GP6: variants seen among roughly 807,000 people sequenced by gnomAD.
GP6 encodes platelet glycoprotein VI.
GP6 carries 45 observed loss-of-function variants against 37.3 expected under a neutral mutation model. That is an observed-to-expected ratio of 1.21 (90% confidence interval 0.95 to 1.55). The LOEUF (loss-of-function observed/expected upper bound fraction) is 1.55. Among genes scored for constraint, GP6 ranks in the 40% most tolerant of loss-of-function variants. The pLI is 0.00. For missense variants in GP6, 813 were observed against 760.2 expected (o/e 1.07, Z -0.82); for synonymous variants, 340 against 316.4 (o/e 1.07, Z -0.79).
At chr19:55,015,274 G>A in intron 7 of GP6, 109 bp from the exon 8 acceptor site, 2 of 1,521,376 alleles carry the variant, frequency 1.3e-6, no homozygotes, top group East Asian at 2.5e-5. Flanking sequence ...CTAGCTAGGG[G>A]ATGCCGCTCA....
At chr19:55,029,126 G>T (rs2074421885) in intron 3 of GP6, among the ~76,000 whole-genome samples, 1 of 150,366 alleles carries the variant, frequency 6.7e-6, no homozygotes, top group African/African-American at 2.4e-5. Flanking sequence ...GAGGGAGGAA[G>T]GAAGGAAGGA....
At chr19:55,021,094 C>T (rs1356329489) in intron 5 of GP6, among the ~76,000 whole-genome samples, 1 of 146,736 alleles carries the variant, frequency 6.8e-6, no homozygotes, top group Non-Finnish European at 1.5e-5. Flanking sequence ...TGCGGTGGCT[C>T]ACGCCTGTAA....
At chr19:55,022,734 A>G (rs920045755) in intron 5 of GP6, among the ~76,000 whole-genome samples, 1 of 152,238 alleles carries the variant, frequency 6.6e-6, no homozygotes, top group Non-Finnish European at 1.5e-5. Context: ...CAGAGAGCCA[A>G]ATCATGAAGG....
chr19:55,024,456 TATC>T (rs1207751125), intron 5 of GP6, among the ~76,000 whole-genome samples: 2 of 151,896 alleles, frequency 1.3e-5, no homozygotes, highest in East Asian at 3.9e-4. Context: ...ATCTCATCCT[TATC>T]AACCTCGGCT....
At chr19:55,034,365 G>T (rs769736131) in intron 1 of GP6, among the ~76,000 whole-genome samples, 20 of 151,952 alleles carry the variant, frequency 1.3e-4, no homozygotes, top group Non-Finnish European at 2.9e-4. Context: ...GACCAGCCTG[G>T]TCAACATGGT....
At position 55,034,331 on chromosome 19, in the gene GP6, C is replaced by T. The variant is rs367590813; in HGVS notation, c.35-1793G>A. Among the ~76,000 whole-genome samples the T allele has an allele frequency of 4.6e-5, 7 of 152,016 alleles. No homozygotes were observed. The East Asian group carries it at 7.8e-4, about 17-fold the overall frequency. Reference sequence around the variant, plus strand: ...CAGCACTTTGGGAGGCCAGGGTGGGCGGATCACAAGGTCAGGAGTTCAAGA... The same window carrying T: ...CAGCACTTTGGGAGGCCAGGGTGGGTGGATCACAAGGTCAGGAGTTCAAGA... On this transcript the variant is annotated intron_variant, in intron 1 of 7. Coordinates refer to ENST00000310373, the MANE Select transcript of GP6 (RefSeq NM_001083899.2).
Position 55,027,700 on chromosome 19 carries a change from G to A in GP6, c.488C>T (p.Ala163Val). 6.2e-7 allele frequency: 1 copy of A among 1,613,364 alleles called. No homozygotes were observed. Among genetic ancestry groups the A allele is most frequent in the Non-Finnish European group, 8.5e-7 (1 of 1,179,270 alleles). The change falls in exon 4 of 8, where the codon GCT (alanine) becomes GTT (valine). Residue 163 changes from alanine to valine, a missense_variant. Physicochemically the swap from Ala to Val is moderately conservative, Grantham distance 64. Coordinates refer to ENST00000310373, the MANE Select transcript of GP6 (RefSeq NM_001083899.2). ...GGTCACCGTGATGATGGGAAAACTAGCCCTGTACCATCTCTCGGGATTCTT... is the reference window on the plus strand; with the variant it reads ...GGTCACCGTGATGATGGGAAAACTAACCCTGTACCATCTCTCGGGATTCTT...
chr19:55,034,149 C>CGTGTGTGT lies in GP6; in HGVS notation c.35-1612_35-1611insACACACAC, dbSNP rs1568646806. Among the ~76,000 whole-genome samples the CGTGTGTGT allele has an allele frequency of 4.2e-3, 302 of 72,008 alleles. 3 individuals carry two copies. In the East Asian group the frequency reaches 0.065, roughly 15 times the overall value. 47.2% of individuals were successfully genotyped at this position (72,008 alleles called of 152,430 possible). A position where few individuals can be genotyped will look rare whatever the true frequency, so the allele number is the denominator to read the frequency against. On this transcript the variant is annotated intron_variant, in intron 1 of 7. Coordinates refer to ENST00000310373, the MANE Select transcript of GP6 (RefSeq NM_001083899.2). ...ATGTATGTATATGTATATATGTATGCATGTGTGTGTGTGTGTGTGTGTGTG... is the reference window on the plus strand; with the variant it reads ...ATGTATGTATATGTATATATGTATGCGTGTGTGTATGTGTGTGTGTGTGTGTGTGTGTG...
intron 5 of GP6, among the ~76,000 whole-genome samples, chr19:55,019,110 T>TC (rs2073982319): frequency 2.0e-5 from 3 of 148,014 alleles, no homozygotes; most frequent in Admixed American, 6.7e-5. Context: ...TTTTTTTCTT[T>TC]TTTTTTTTTT....
At chr19:55,036,523 C>T (rs1215679360) in intron 1 of GP6, among the ~76,000 whole-genome samples, 1 of 150,926 alleles carries the variant, frequency 6.6e-6, no homozygotes, top group Non-Finnish European at 1.5e-5. Context: ...ACATAGCGGA[C>T]CCCCGTAACT....
At chr19:55,034,255 T>C (rs1656141508) in intron 1 of GP6, among the ~76,000 whole-genome samples, 1 of 151,732 alleles carries the variant, frequency 6.6e-6, no homozygotes, top group East Asian at 1.9e-4. Context: ...AAGTCTGCTG[T>C]GAGGTAAGAT....
Position 55,013,789 on chromosome 19 carries a change from C to G in GP6, c.*293G>C, listed in dbSNP as rs1056748465. 7.0e-6 allele frequency: 2 copies of G among 287,330 alleles called. No homozygotes were observed. The highest frequency in any genetic ancestry group is 8.7e-5 in the East Asian group (1 of 11,514). The allele number at this position is 287,330 out of a possible 1,614,324, so 17.8% of individuals were successfully genotyped here. ...CAGGCTGGTCTTGAACTCCTGGGCT[C>G]AAGCGATCCTCCTGCCTTGGCCTCC... is the stretch of plus-strand genomic sequence containing the variant. On this transcript the variant is annotated 3_prime_UTR_variant, in exon 8 of 8. Transcript: ENST00000310373.
At chr19:55,029,321 T>C (rs1388146331) in intron 3 of GP6, among the ~76,000 whole-genome samples, 1 of 882 alleles carries the variant, frequency 1.1e-3, no homozygotes, top group Non-Finnish European at 2.1e-3. Flanking sequence ...ATGGCATATA[T>C]ATATATATAT....
At position 55,014,701 on chromosome 19, in the gene GP6, C is replaced by G. The variant is rs150807394; in HGVS notation, c.1244G>C (p.Gly415Ala). The G allele has an allele frequency of 8.9e-5, 143 of 1,614,092 alleles. 1 individual carries two copies. The East Asian group carries it at 3.1e-3, about 35-fold the overall frequency. The change falls in exon 8 of 8, where the codon GGA (glycine) becomes GCA (alanine). Residue 415 changes from glycine to alanine, a missense_variant. By Grantham distance (60) the Gly-to-Ala change is moderately conservative. Coordinates refer to ENST00000310373, the MANE Select transcript of GP6 (RefSeq NM_001083899.2). ...AGGATGGGGTCTCCACAGATTCCTT[C>G]CATCCCAAATGGAGGGTGCCCTCAG...
chr19:55,019,400 A>G (rs1197480135), intron 5 of GP6, among the ~76,000 whole-genome samples: 1 of 152,022 alleles, frequency 6.6e-6, no homozygotes, highest in Non-Finnish European at 1.5e-5. Context: ...GCGCCTGGCC[A>G]CAGACTGTTT....
chr19:55,024,001 G>A (rs1286007854), intron 5 of GP6, among the ~76,000 whole-genome samples: 4 of 152,134 alleles, frequency 2.6e-5, no homozygotes, highest in South Asian at 2.1e-4. Flanking sequence ...CTTGTGAGAC[G>A]GAAGAGTTCT....
At chr19:55,021,801 T>C (rs1291694657) in intron 5 of GP6, among the ~76,000 whole-genome samples, 1 of 152,126 alleles carries the variant, frequency 6.6e-6, no homozygotes, top group Non-Finnish European at 1.5e-5. Flanking sequence ...ATTACCGGCG[T>C]GAGCCACCGT....
At chr19:55,015,865 C>T (rs2019599) in intron 6 of GP6, 132 bp from the exon 7 acceptor site, 26,525 of 711,402 alleles carry the variant, frequency 0.037, 1,109 homozygotes, top group East Asian at 0.18. Flanking sequence ...GGGCCGGGCA[C>T]GGTGCCTCAT....
In GP6 at chr19:55,015,032, C is replaced by T; in HGVS notation, c.913G>A (p.Gly305Ser). 1 of 1,611,202 alleles carries T rather than the reference C, an allele frequency of 6.2e-7. No homozygotes were observed. Among genetic ancestry groups the T allele is most frequent in the Non-Finnish European group, 8.5e-7 (1 of 1,178,898 alleles). Residue 305 changes from glycine (G) to serine (S), a missense_variant, in exon 8 of 8, where the codon GGC becomes AGC. Physicochemically the swap from Gly to Ser is moderately conservative, Grantham distance 56. Transcript: ENST00000310373. ...GGGGCGGAAGCGGCCTCTGCACAGC[C>T]CTGCCCCTGTGCCGCAGGCGCTTCC...
Sources: allele counts gnomAD v4.1 joint callset (sites outside exome capture counted in the v4.1 genomes callset), GRCh38; gene constraint gnomAD v4.1.1; transcripts MANE v1.5; gene names NCBI Gene and HGNC (gene_info 2026-07-23, HGNC 2026-07-21).